The following FRMD4A variants were observed in gnomAD, a reference collection of about 807,000 sequenced individuals.
FRMD4A encodes FERM domain-containing protein 4A.
A neutral mutation model predicts 129.1 loss-of-function variants in FRMD4A; 29 were observed. That is an observed-to-expected ratio of 0.22 (90% CI 0.17 to 0.31). The LOEUF (loss-of-function observed/expected upper bound fraction) is 0.31. FRMD4A is among the 10% of genes least tolerant of loss of function. The probability of loss-of-function intolerance (pLI) is 1.00; values close to 1 mark genes in which losing one functional copy is unlikely to be tolerated. For missense variants in FRMD4A, 1,272 were observed against 1,375.8 expected, an observed-to-expected ratio of 0.92 and a Z score of 1.19; for synonymous variants, 634 against 571.6, an observed-to-expected ratio of 1.11 and a Z score of -1.56.
At chr10:14,077,655 G>A (rs942139998) in intron 2 of FRMD4A, among the ~76,000 whole-genome samples, 1 of 152,202 alleles carries the variant, frequency 6.6e-6, no homozygotes, top group Non-Finnish European at 1.5e-5. Flanking sequence ...CTGACAGCTT[G>A]ATGTTGCATC....
At chr10:13,692,143 T>A (rs2085762788) in intron 15 of FRMD4A, 1 of 41,112 alleles carries the variant, frequency 2.4e-5, no homozygotes, top group Non-Finnish European at 7.0e-5. Context: ...TTAGCAGCTT[T>A]TTTTTTTTTT....
chr10:14,250,504 A>G (rs867483712), intron 2 of FRMD4A, among the ~76,000 whole-genome samples: 9 of 152,328 alleles, frequency 5.9e-5, no homozygotes, highest in Non-Finnish European at 1.0e-4. Context: ...GATGTTATCA[A>G]GTCTATAATC....
intron 6 of FRMD4A, among the ~76,000 whole-genome samples, chr10:13,769,728 C>T (rs2092400256): frequency 6.6e-6 from 1 of 152,344 alleles, no homozygotes; most frequent in African/African-American, 2.4e-5. Flanking sequence ...GGACATCACA[C>T]AATCCTGGAA....
At chr10:13,675,102 C>G in intron 15 of FRMD4A, 58 bp from the exon 16 acceptor site, 1 of 1,511,818 alleles carries the variant, frequency 6.6e-7, no homozygotes, top group South Asian at 1.1e-5. Flanking sequence ...ATCTGGACCA[C>G]TAATGAATTT....
intron 2 of FRMD4A, among the ~76,000 whole-genome samples, chr10:13,883,318 C>G (rs1164095563): frequency 6.6e-6 from 1 of 151,812 alleles, no homozygotes; most frequent in South Asian, 2.1e-4. Context: ...GCTGAAACCC[C>G]GTCTCTACTA....
intron 2 of FRMD4A, among the ~76,000 whole-genome samples, chr10:14,010,493 A>G (rs1361286874): frequency 6.6e-6 from 1 of 151,844 alleles, no homozygotes; most frequent in Non-Finnish European, 1.5e-5. Context: ...TATTAGCACA[A>G]AAGCCTCCTC....
intron 12 of FRMD4A, among the ~76,000 whole-genome samples, chr10:13,733,589 TG>T (rs2090449045): frequency 6.6e-6 from 1 of 152,210 alleles, no homozygotes; most frequent in African/African-American, 2.4e-5. Flanking sequence ...GCAGCAGGCC[TG>T]GCTAATTTTG....
chr10:14,006,442 A>G (rs1430409200), intron 2 of FRMD4A, among the ~76,000 whole-genome samples: 1 of 152,258 alleles, frequency 6.6e-6, no homozygotes, highest in African/African-American at 2.4e-5. Flanking sequence ...TTCTTAAATT[A>G]GTAAACAATG....
chr10:13,789,477 C>T (rs1414493677), intron 5 of FRMD4A, among the ~76,000 whole-genome samples: 4 of 151,774 alleles, frequency 2.6e-5, no homozygotes, highest in African/African-American at 9.7e-5. Context: ...CTACAGGACA[C>T]TTGGTAGAAG....
At chr10:13,698,924 G>T (rs1272243642) in intron 14 of FRMD4A, among the ~76,000 whole-genome samples, 1 of 152,172 alleles carries the variant, frequency 6.6e-6, no homozygotes, top group Non-Finnish European at 1.5e-5. Flanking sequence ...CCTTCTGGGA[G>T]CGTGGGCATT....
At chr10:13,998,137 G>A (rs1289762603) in intron 2 of FRMD4A, among the ~76,000 whole-genome samples, 1 of 152,088 alleles carries the variant, frequency 6.6e-6, no homozygotes, top group African/African-American at 2.4e-5. Flanking sequence ...CAGGTCCAGT[G>A]TGCTGACAAT....
At chr10:14,207,706 A>C (rs1000153232) in intron 2 of FRMD4A, among the ~76,000 whole-genome samples, 1 of 151,970 alleles carries the variant, frequency 6.6e-6, no homozygotes, top group Admixed American at 6.6e-5. Context: ...ACACACACAC[A>C]CACACACACA....
intron 2 of FRMD4A, among the ~76,000 whole-genome samples, chr10:14,236,049 T>G: frequency 6.6e-6 from 1 of 152,248 alleles, no homozygotes; most frequent in African/African-American, 2.4e-5. Flanking sequence ...TTCCTCTAGC[T>G]TCATGCACGA....
At chr10:13,815,586 A>G (rs978194857) in intron 3 of FRMD4A, among the ~76,000 whole-genome samples, 17 of 152,042 alleles carry the variant, frequency 1.1e-4, no homozygotes, top group African/African-American at 2.9e-4. Context: ...AAAAAAAAGG[A>G]AAAAGGGGGA....
intron 2 of FRMD4A, among the ~76,000 whole-genome samples, chr10:14,289,236 C>T (rs764570602): frequency 1.6e-4 from 25 of 152,104 alleles, no homozygotes; most frequent in Admixed American, 9.2e-4. Context: ...TTCCCACCAA[C>T]GGTGTACAAG....
Position 13,747,714 on chromosome 10 carries a change from G to C in FRMD4A, c.548+22C>G, listed in dbSNP as rs371428238. The C allele has an allele frequency of 3.3e-5, 44 of 1,353,532 alleles. 1 individual carries two copies. The African/African-American group carries it at 5.6e-4, about 17-fold the overall frequency. The allele number at this position is 1,353,532 out of a possible 1,614,324, so 83.8% of individuals were successfully genotyped here. A position where few individuals can be genotyped will look rare whatever the true frequency, so the allele number is the denominator to read the frequency against. ...GCACCCCGAGAGGGACTCGCTCCTGGGGAAGACTCCAGGGGTCTTACCAGT... is the reference window on the plus strand; with the variant it reads ...GCACCCCGAGAGGGACTCGCTCCTGCGGAAGACTCCAGGGGTCTTACCAGT... On this transcript the variant is annotated intron_variant, in intron 9 of 24. Transcript: ENST00000357447.
chr10:14,313,790 T>G (rs1024524206), intron 2 of FRMD4A, among the ~76,000 whole-genome samples: 2 of 152,236 alleles, frequency 1.3e-5, no homozygotes, highest in Non-Finnish European at 2.9e-5. Context: ...AGAAAGCATC[T>G]ATCTCATCTA....
At chr10:14,042,807 A>G (rs1374809232) in intron 2 of FRMD4A, among the ~76,000 whole-genome samples, 1 of 151,768 alleles carries the variant, frequency 6.6e-6, no homozygotes, top group Non-Finnish European at 1.5e-5. Flanking sequence ...TACTAAAAAT[A>G]CAAAAAAAAT....
Position 14,330,893 on chromosome 10 carries a change from C to A in FRMD4A, c.-378G>T. The stretch of plus-strand genomic sequence containing the variant: ...CTGTTCTGTGAGCGTTCTGATCTCC[C>A]TGGCTGTACCACATGTACGCCGCAT... On this transcript the variant is annotated 5_prime_UTR_variant, in exon 1 of 25. In the 5' UTR this introduces an upstream ATG that the reference lacks. Coordinates refer to ENST00000357447, the MANE Select transcript of FRMD4A (RefSeq NM_018027.5). The A allele has an allele frequency of 5.0e-6, 2 of 398,728 alleles. No homozygotes were observed. The highest frequency in any genetic ancestry group is 2.5e-4 in the South Asian group (2 of 7,846). The allele number at this position is 398,728 out of a possible 1,614,324, so 24.7% of individuals were successfully genotyped here.
Sources: allele counts gnomAD v4.1 joint callset (sites outside exome capture counted in the v4.1 genomes callset), GRCh38; gene constraint gnomAD v4.1.1; transcripts MANE v1.5; gene names NCBI Gene and HGNC (gene_info 2026-07-23, HGNC 2026-07-21).